The following PRKG2 variants were observed in gnomAD, a reference collection of about 807,000 sequenced individuals.
The protein encoded by PRKG2 is cGMP-dependent protein kinase 2.
In PRKG2, 33 loss-of-function variants were observed where a neutral mutation model predicts 97.2. The observed-to-expected ratio is 0.34, with a 90% CI of 0.26 to 0.45. The LOEUF (loss-of-function observed/expected upper bound fraction) is 0.45. Among genes scored for constraint, PRKG2 ranks in the 20% least tolerant of loss-of-function variants. PRKG2 has a pLI of 1.00. For synonymous variants in PRKG2, 330 were observed against 321.8 expected, an observed-to-expected ratio of 1.03 and a Z score of -0.27; for missense variants, 638 against 900.0, an observed-to-expected ratio of 0.71 and a Z score of 3.73.
At chr4:81,131,016 A>C (rs933955284) in intron 14 of PRKG2, among the ~76,000 whole-genome samples, 13 of 152,152 alleles carry the variant, frequency 8.5e-5, no homozygotes, top group African/African-American at 3.1e-4. Context: ...TTGCATTCCA[A>C]GTGCCACTGG....
intron 17 of PRKG2, among the ~76,000 whole-genome samples, chr4:81,095,353 A>G (rs946197386): frequency 1.3e-5 from 2 of 152,044 alleles, no homozygotes; most frequent in African/African-American, 2.4e-5. Context: ...TGTTCTACCC[A>G]TTGCTTTTTT....
chr4:81,187,882 TAA>T (rs1296354998), intron 2 of PRKG2, among the ~76,000 whole-genome samples: 4 of 152,030 alleles, frequency 2.6e-5, no homozygotes, highest in African/African-American at 9.7e-5. Context: ...CAAGATGGAT[TAA>T]AGACTTAAAC....
chr4:81,141,720 A>G (rs960933555), intron 11 of PRKG2, among the ~76,000 whole-genome samples: 3 of 152,186 alleles, frequency 2.0e-5, no homozygotes, highest in Non-Finnish European at 2.9e-5. Flanking sequence ...TGCTTCAATT[A>G]TTATTAGAAA....
At chr4:81,097,504 T>C (rs1287707740) in intron 17 of PRKG2, among the ~76,000 whole-genome samples, 4 of 152,196 alleles carry the variant, frequency 2.6e-5, no homozygotes, top group Non-Finnish European at 5.9e-5. Flanking sequence ...ACCAGCTGTA[T>C]TCCTAATAAG....
chr4:81,131,260 G>A (rs961217730), intron 14 of PRKG2, among the ~76,000 whole-genome samples: 10 of 150,654 alleles, frequency 6.6e-5, no homozygotes, highest in African/African-American at 2.5e-4. Context: ...ACCCCTTGTG[G>A]TTCCCAGGTG....
At position 81,146,376 on chromosome 4, in the gene PRKG2, T is replaced by TC. The variant is rs559720180; in HGVS notation, c.1155-2047_1155-2046insG. Among the ~76,000 whole-genome samples the TC allele has an allele frequency of 1.3e-3, 198 of 151,658 alleles. 1 individual carries two copies. The highest frequency in any genetic ancestry group is 1.1e-3 in the Non-Finnish European group (72 of 67,854). The stretch of plus-strand genomic sequence containing the variant: ...ATAGCCTGAGCAATAACTAATGAAC[T>TC]TTTTTTTTGAAATTTGTCCCAACAG... On this transcript the variant is annotated intron_variant, in intron 9 of 18. Transcript: ENST00000264399.
intron 14 of PRKG2, among the ~76,000 whole-genome samples, chr4:81,112,910 A>T (rs1744128618): frequency 6.6e-6 from 1 of 152,224 alleles, no homozygotes; most frequent in Admixed American, 6.5e-5. Flanking sequence ...AAAGTTAATA[A>T]ATAACTCAAT....
chr4:81,134,847 A>G (rs762296375), intron 14 of PRKG2, among the ~76,000 whole-genome samples: 2 of 152,214 alleles, frequency 1.3e-5, no homozygotes, highest in Non-Finnish European at 2.9e-5. Context: ...ATGTATAGCA[A>G]GAATCAATTT....
intron 1 of PRKG2, among the ~76,000 whole-genome samples, chr4:81,212,758 G>A (rs958101794): frequency 2.6e-5 from 4 of 152,186 alleles, no homozygotes; most frequent in East Asian, 1.9e-4. Context: ...GGATATTAGC[G>A]ATGAGGAGAG....
At chr4:81,133,786 T>C (rs1377819040) in intron 14 of PRKG2, among the ~76,000 whole-genome samples, 1 of 152,150 alleles carries the variant, frequency 6.6e-6, no homozygotes, top group Non-Finnish European at 1.5e-5. Flanking sequence ...TGCCTACACA[T>C]GTGAAATATG....
Position 81,146,481 on chromosome 4 carries a change from T to A in PRKG2, c.1155-2151A>T, listed in dbSNP as rs181264963. 2.1e-3 allele frequency among the ~76,000 whole-genome samples: 325 copies of A among 152,306 alleles called. 3 individuals are homozygous for A. The highest frequency in any genetic ancestry group is 7.6e-3 in the African/African-American group (316 of 41,578). ...TACAAAAGGGTTATTTCATATTTTA[T>A]CACATTTAAAAATAGGAAATATAAC... On this transcript the variant is annotated intron_variant, in intron 9 of 18. Coordinates refer to ENST00000264399, the MANE Select transcript of PRKG2 (RefSeq NM_006259.3).
At chr4:81,127,385 T>C (rs948577143) in intron 14 of PRKG2, among the ~76,000 whole-genome samples, 1 of 152,216 alleles carries the variant, frequency 6.6e-6, no homozygotes, top group African/African-American at 2.4e-5. Flanking sequence ...TTAAAGTAAT[T>C]TTTTCTAATT....
chr4:81,093,783 C>T (rs2109943890), intron 17 of PRKG2, among the ~76,000 whole-genome samples: 1 of 152,292 alleles, frequency 6.6e-6, no homozygotes, highest in East Asian at 1.9e-4. Context: ...ATATTTCAAG[C>T]TTGATGGTCT....
chr4:81,188,694 T>TA (rs1752130239), intron 2 of PRKG2, among the ~76,000 whole-genome samples: 1 of 122,202 alleles, frequency 8.2e-6, no homozygotes, highest in Admixed American at 7.7e-5. Context: ...TATGCAGCCA[T>TA]AAAAAATGAT....
intron 6 of PRKG2, among the ~76,000 whole-genome samples, chr4:81,158,291 C>G (rs1250023818): frequency 6.8e-6 from 1 of 147,464 alleles, no homozygotes; most frequent in Non-Finnish European, 1.5e-5. Flanking sequence ...CAACAACAGA[C>G]AAACAGAGAG....
chr4:81,095,338 CTCTT>C (rs1742010958), intron 17 of PRKG2, among the ~76,000 whole-genome samples: 1 of 152,198 alleles, frequency 6.6e-6, no homozygotes, highest in South Asian at 2.1e-4. Context: ...CAGAAGTCCT[CTCTT>C]TGTTCTACCC....
At chr4:81,214,538 AC>A (rs1472341212) in intron 1 of PRKG2, among the ~76,000 whole-genome samples, 2 of 152,052 alleles carry the variant, frequency 1.3e-5, no homozygotes, top group African/African-American at 4.8e-5. Flanking sequence ...CCTAGCAACT[AC>A]CCAGAGCTCG....
At chr4:81,161,659 A>T (rs1267849039) in intron 6 of PRKG2, among the ~76,000 whole-genome samples, 2 of 152,110 alleles carry the variant, frequency 1.3e-5, no homozygotes, top group Admixed American at 6.6e-5. Context: ...GGTCTCTCCC[A>T]TCCCTGCAGA....
chr4:81,188,983 C>A (rs1284903800), intron 2 of PRKG2, among the ~76,000 whole-genome samples: 1 of 85,876 alleles, frequency 1.2e-5, no homozygotes, highest in Non-Finnish European at 1.8e-5. Flanking sequence ...TGTAACTAAC[C>A]TGCACAATGT....
Sources: gnomAD v4.1 joint callset for allele counts (sites outside exome capture counted in the v4.1 genomes callset) on GRCh38, gnomAD v4.1.1 for gene constraint, MANE v1.5 for transcripts, NCBI Gene and HGNC (gene_info 2026-07-23, HGNC 2026-07-21) for gene names.